Variants in FMO5 observed in about 807,000 individuals in gnomAD.
FMO5 encodes flavin-containing monooxygenase 5.
FMO5 carries 51 observed loss-of-function variants against 43.6 expected under a neutral mutation model. The ratio of observed to expected loss-of-function variants is 1.17; its 90% CI spans 0.93 to 1.48. The LOEUF is 1.48. Ranked by LOEUF, FMO5 falls within the 40% of genes most tolerant of loss-of-function variation. The pLI, the probability that FMO5 is intolerant of heterozygous loss-of-function variation, is 0.00. For missense variants in FMO5, 644 were observed against 643.0 expected (o/e 1.00, Z -0.02); for synonymous variants, 187 against 216.5 (o/e 0.86, Z 1.20).
At chr1:147,201,961 TAC>T (rs1659050730) in intron 6 of FMO5, among the ~76,000 whole-genome samples, 2 of 152,318 alleles carry the variant, frequency 1.3e-5, no homozygotes, top group Non-Finnish European at 2.9e-5. Context: ...TGTAGCAATT[TAC>T]AGTTTATAAG....
At chr1:147,198,808 G>A (rs142953344) in intron 7 of FMO5, among the ~76,000 whole-genome samples, 5,407 of 131,434 alleles carry the variant, frequency 0.041, 136 homozygotes, top group South Asian at 0.11. Flanking sequence ...CCGAGATAGC[G>A]CCACTGCACT....
chr1:147,198,590 C>T (rs2101806263), intron 7 of FMO5, among the ~76,000 whole-genome samples: 1 of 151,870 alleles, frequency 6.6e-6, no homozygotes, highest in East Asian at 1.9e-4. Context: ...GTGACTCATG[C>T]CTGTAATCCC....
upstream of FMO5, among the ~76,000 whole-genome samples, chr1:147,226,480 A>G (rs1663992079): frequency 6.7e-6 from 1 of 149,336 alleles, no homozygotes; most frequent in African/African-American, 2.6e-5. Context: ...TTAGTAACCA[A>G]AAATACAAAA....
intron 5 of FMO5, chr1:147,210,702 G>A (rs1385071361): frequency 1.3e-5 from 2 of 152,052 alleles, no homozygotes; most frequent in East Asian, 3.9e-4. Context: ...ATATCACAAG[G>A]CTGTTGTGAT....
intron 7 of FMO5, among the ~76,000 whole-genome samples, chr1:147,195,867 G>C (rs1400716463): frequency 6.6e-6 from 1 of 152,024 alleles, no homozygotes; most frequent in Non-Finnish European, 1.5e-5. Context: ...AAACATCACT[G>C]GTGATGGGTA....
At chr1:147,222,891 G>A (rs1663302572) in intron 2 of FMO5, among the ~76,000 whole-genome samples, 1 of 152,176 alleles carries the variant, frequency 6.6e-6, no homozygotes, top group Non-Finnish European at 1.5e-5. Flanking sequence ...TGCCTTTTCA[G>A]TAACTGCCAA....
intron 2 of FMO5, among the ~76,000 whole-genome samples, chr1:147,222,539 C>A (rs1345577130): frequency 1.3e-5 from 2 of 152,178 alleles, no homozygotes; most frequent in Non-Finnish European, 2.9e-5. Context: ...TAGAAACTCT[C>A]TTTGAACTGT....
intron 6 of FMO5, chr1:147,203,794 A>G: frequency 6.5e-7 from 1 of 1,545,018 alleles, no homozygotes; most frequent in Non-Finnish European, 8.9e-7. Flanking sequence ...GATTGTCTGT[A>G]GAGCCCCGAA....
At chr1:147,194,874 T>A (rs1222779974) in intron 7 of FMO5, among the ~76,000 whole-genome samples, 1 of 152,110 alleles carries the variant, frequency 6.6e-6, no homozygotes, top group African/African-American at 2.4e-5. Flanking sequence ...TGCCGAGAGA[T>A]CTGCTGTTAG....
chr1:147,192,039 T>C (rs1571167372), intron 7 of FMO5, among the ~76,000 whole-genome samples: 1 of 152,292 alleles, frequency 6.6e-6, no homozygotes, highest in East Asian at 1.9e-4. Context: ...TTTTTCCAAT[T>C]CTGTGAAGAA....
At chr1:147,219,015 A>G (rs1308768791) in intron 2 of FMO5, among the ~76,000 whole-genome samples, 1 of 152,214 alleles carries the variant, frequency 6.6e-6, no homozygotes, top group Non-Finnish European at 1.5e-5. Flanking sequence ...GAAACCCGAG[A>G]GTAGCCATAT....
chr1:147,202,309 G>GTC (rs1659115947), intron 6 of FMO5, among the ~76,000 whole-genome samples: 154 of 118,460 alleles, frequency 1.3e-3, no homozygotes, highest in Non-Finnish European at 1.8e-3. Flanking sequence ...CTAAAAAGCA[G>GTC]TTCTTTTTTT....
upstream of FMO5, chr1:147,225,458 C>T (rs182793554): frequency 1.1e-3 from 191 of 168,020 alleles, 1 homozygote; most frequent in African/African-American, 4.4e-3. Context: ...CACTCAGCGG[C>T]ACCCATTCTC....
At chr1:147,225,770 C>A (rs1663927120), upstream of FMO5, 1 of 152,228 alleles carries the variant, frequency 6.6e-6, no homozygotes, top group Non-Finnish European at 1.5e-5. Context: ...CAGGATGAGC[C>A]ACAGACAAAA....
chr1:147,186,953 C>T lies in FMO5; in HGVS notation c.1549G>A (p.Gly517Ser). 1 of 1,614,102 alleles carries T rather than the reference C, an allele frequency of 6.2e-7. No individual in the cohort carries two copies. The highest frequency in any genetic ancestry group is 8.5e-7 in the Non-Finnish European group (1 of 1,180,004). ...AAGGCAAGAGCTAGCATAAACTTGCCTATTGTCATTGTTGAAGTCATAGAA... is the reference window on the plus strand; with the variant it reads ...AAGGCAAGAGCTAGCATAAACTTGCTTATTGTCATTGTTGAAGTCATAGAA... ...SSSMTSTMTI[G>S]KFMLALAFFA... The change falls in exon 9 of 9, where the codon GGC becomes AGC. Residue 517 changes from glycine (G) to serine (S), a missense_variant. Coordinates refer to ENST00000254090, the MANE Select transcript of FMO5 (RefSeq NM_001461.4).
intron 6 of FMO5, among the ~76,000 whole-genome samples, chr1:147,205,647 C>A (rs1459092821): frequency 1.3e-5 from 2 of 152,080 alleles, no homozygotes; most frequent in African/African-American, 4.8e-5. Flanking sequence ...ACAAACCTGA[C>A]AAAAACAAGA....
intron 8 of FMO5, among the ~76,000 whole-genome samples, chr1:147,189,938 T>A (rs1224579068): frequency 6.6e-6 from 1 of 152,294 alleles, no homozygotes; most frequent in East Asian, 1.9e-4. Flanking sequence ...CTATGTGACT[T>A]TTTTTAGGCA....
chr1:147,187,101 G>A lies in FMO5; in HGVS notation c.1401C>T (p.Pro467=). 6.2e-7 allele frequency: 1 copy of A among 1,614,106 alleles called. No homozygotes were observed. The highest frequency in any genetic ancestry group is 1.3e-5 in the African/African-American group (1 of 75,020). ...PKLALHLLLG[P]CTPIHYRVQG... ...GTACACGATAGTGGATTGGAGTGCA[G>A]GGTCCCAGTAATAAGTGTAATGCCA... The change falls in exon 9 of 9, where the codon CCC becomes CCT. Residue 467 remains proline, a synonymous_variant. Transcript: ENST00000254090.
intron 6 of FMO5, among the ~76,000 whole-genome samples, chr1:147,202,095 A>G (rs782309064): frequency 5.3e-5 from 8 of 152,188 alleles, no homozygotes; most frequent in Non-Finnish European, 7.3e-5. Flanking sequence ...GACTTGTCCA[A>G]TGATACACAG....
Sources: gnomAD v4.1 joint callset for allele counts (sites outside exome capture counted in the v4.1 genomes callset) on GRCh38, gnomAD v4.1.1 for gene constraint, MANE v1.5 for transcripts, NCBI Gene and HGNC (gene_info 2026-07-23, HGNC 2026-07-21) for gene names.